LRRC49: variants seen among roughly 807,000 people sequenced by gnomAD.
LRRC49 encodes the protein leucine rich repeat containing 49.
In LRRC49, 50 loss-of-function variants were observed where a neutral mutation model predicts 83.3. The ratio of observed to expected loss-of-function variants is 0.60; its 90% CI spans 0.48 to 0.76. The LOEUF (loss-of-function observed/expected upper bound fraction) is 0.76. Among genes scored for constraint, LRRC49 ranks in the 30% least tolerant of loss-of-function variants. The probability of loss-of-function intolerance (pLI) is 0.00; values close to 1 mark genes in which losing one functional copy is unlikely to be tolerated. For synonymous variants in LRRC49, 286 were observed against 283.3 expected, an observed-to-expected ratio of 1.01 and a Z score of -0.10; for missense variants, 704 against 809.1, an observed-to-expected ratio of 0.87 and a Z score of 1.58.
At chr15:70,907,140 G>A (rs1215760148) in intron 5 of LRRC49, among the ~76,000 whole-genome samples, 1 of 152,240 alleles carries the variant, frequency 6.6e-6, no homozygotes, top group East Asian at 1.9e-4. Flanking sequence ...ACCTGGCTGA[G>A]GATGCTGGTA....
At chr15:70,858,096 A>G (rs2032695043) in intron 1 of LRRC49, among the ~76,000 whole-genome samples, 2 of 152,198 alleles carry the variant, frequency 1.3e-5, no homozygotes. Flanking sequence ...GGAAACACAA[A>G]CATTCCAGTT....
At chr15:70,969,869 G>A (rs906210897) in intron 9 of LRRC49, among the ~76,000 whole-genome samples, 2 of 152,144 alleles carry the variant, frequency 1.3e-5, no homozygotes, top group South Asian at 2.1e-4. Context: ...AGCTTAAGGA[G>A]TTTTGGGGCT....
intron 1 of LRRC49, among the ~76,000 whole-genome samples, chr15:70,862,397 T>C (rs2032814698): frequency 6.6e-6 from 1 of 151,802 alleles, no homozygotes; most frequent in African/African-American, 2.4e-5. Context: ...GCTAACAACG[T>C]GAAACCCCGT....
chr15:70,935,944 C>A (rs1389662888), intron 7 of LRRC49, among the ~76,000 whole-genome samples: 2 of 152,044 alleles, frequency 1.3e-5, no homozygotes, highest in Non-Finnish European at 2.9e-5. Flanking sequence ...AATTACCAAG[C>A]GTCTGTAAGA....
intron 15 of LRRC49, among the ~76,000 whole-genome samples, chr15:71,039,524 T>G (rs1400976083): frequency 1.3e-5 from 2 of 152,358 alleles, no homozygotes; most frequent in South Asian, 4.1e-4. Context: ...ACGTAGTATT[T>G]GCATGTAGCC....
intron 6 of LRRC49, chr15:70,918,150 G>C (rs776613719): frequency 9.2e-5 from 14 of 152,422 alleles, no homozygotes; most frequent in Non-Finnish European, 1.9e-4. Flanking sequence ...TGCCTGCCCT[G>C]CTGTAGCAGC....
At chr15:70,933,121 T>C (rs532636724) in intron 7 of LRRC49, among the ~76,000 whole-genome samples, 1 of 152,348 alleles carries the variant, frequency 6.6e-6, no homozygotes, top group East Asian at 1.9e-4. Flanking sequence ...CAGTATTTTT[T>C]TGGAAAATAA....
chr15:70,939,393 C>T (rs2035720118), intron 8 of LRRC49, among the ~76,000 whole-genome samples: 1 of 152,012 alleles, frequency 6.6e-6, no homozygotes, highest in African/African-American at 2.4e-5. Context: ...TTTGGTGTGT[C>T]CATTTTTATG....
At chr15:70,884,811 T>G (rs2033362733) in intron 2 of LRRC49, among the ~76,000 whole-genome samples, 1 of 152,142 alleles carries the variant, frequency 6.6e-6, no homozygotes, top group African/African-American at 2.4e-5. Flanking sequence ...ATAATACATT[T>G]TTTACTGCAA....
chr15:70,878,828 T>C (rs887960103), intron 2 of LRRC49, among the ~76,000 whole-genome samples: 1 of 152,260 alleles, frequency 6.6e-6, no homozygotes, highest in Non-Finnish European at 1.5e-5. Flanking sequence ...GTATTATTTG[T>C]ATAATGTATT....
intron 9 of LRRC49, among the ~76,000 whole-genome samples, chr15:70,964,965 A>C (rs1454278112): frequency 6.6e-6 from 1 of 152,148 alleles, no homozygotes; most frequent in Non-Finnish European, 1.5e-5. Flanking sequence ...AATAGCTAAA[A>C]GTGTGGATGA....
At chr15:70,931,504 A>T (rs1178192796) in intron 7 of LRRC49, among the ~76,000 whole-genome samples, 1 of 152,168 alleles carries the variant, frequency 6.6e-6, no homozygotes, top group Non-Finnish European at 1.5e-5. Context: ...AATGGCACTG[A>T]CTTGGTTGAT....
chr15:70,898,627 AC>A (rs2033936971), intron 3 of LRRC49, among the ~76,000 whole-genome samples: 1 of 152,078 alleles, frequency 6.6e-6, no homozygotes, highest in African/African-American at 2.4e-5. Context: ...TAAAAAAAAT[AC>A]AAAAATTAGC....
chr15:70,853,890 T>G, intron 1 of LRRC49: 1 of 1,301,832 alleles, frequency 7.7e-7, no homozygotes, highest in Non-Finnish European at 9.8e-7. Context: ...CGCGCCTACC[T>G]GTGCCCGCGG....
At chr15:71,032,393 G>C (rs979387974) in intron 14 of LRRC49, among the ~76,000 whole-genome samples, 1 of 152,008 alleles carries the variant, frequency 6.6e-6, no homozygotes, top group African/African-American at 2.4e-5. Context: ...TGGTCTCGCT[G>C]GGAGCTGCAG....
At chr15:70,878,931 T>C (rs760951438) in intron 2 of LRRC49, among the ~76,000 whole-genome samples, 1 of 152,230 alleles carries the variant, frequency 6.6e-6, no homozygotes, top group Non-Finnish European at 1.5e-5. Flanking sequence ...TGTCTTTGCC[T>C]AGTTTTGGTA....
At position 70,963,815 on chromosome 15, in the gene LRRC49, T is replaced by G. The variant is rs1483868280; in HGVS notation, c.804T>G (p.Ser268=). 5.6e-6 allele frequency: 9 copies of G among 1,613,500 alleles called. No individual in the cohort carries two copies. Among genetic ancestry groups the G allele is most frequent in the Non-Finnish European group, 7.6e-6 (9 of 1,179,660 alleles). ...SFDSVSCLAD[S]SSLSDITFDG... ...ACAGTGTTTCCTGCCTTGCTGACTCTTCTTCCCTCTCGGACATCACCTTTG... is the reference window on the plus strand; with the variant it reads ...ACAGTGTTTCCTGCCTTGCTGACTCGTCTTCCCTCTCGGACATCACCTTTG... The change falls in exon 9 of 16, where the codon TCT becomes TCG. Residue 268 remains serine, a synonymous_variant. Coordinates refer to ENST00000260382, the MANE Select transcript of LRRC49 (RefSeq NM_017691.5).
chr15:71,024,705 T>G (rs558582975), intron 14 of LRRC49, among the ~76,000 whole-genome samples: 33 of 151,202 alleles, frequency 2.2e-4, no homozygotes, highest in African/African-American at 8.0e-4. Context: ...ATGCCTCTCC[T>G]CCTCCAAATG....
chr15:70,940,966 G>A (rs949078404), intron 8 of LRRC49, among the ~76,000 whole-genome samples: 2 of 152,108 alleles, frequency 1.3e-5, no homozygotes, highest in African/African-American at 4.8e-5. Flanking sequence ...AAATGTGATG[G>A]GCATAATGTA....
Sources: allele counts gnomAD v4.1 joint callset (sites outside exome capture counted in the v4.1 genomes callset), GRCh38; gene constraint gnomAD v4.1.1; transcripts MANE v1.5; gene names NCBI Gene and HGNC (gene_info 2026-07-23, HGNC 2026-07-21).